Variants in COBLL1 observed in about 807,000 individuals in gnomAD.
The protein encoded by COBLL1 is cordon-bleu WH2 repeat protein like 1.
A neutral mutation model predicts 94.8 loss-of-function variants in COBLL1; 50 were observed. The observed-to-expected ratio is 0.53, with a 90% CI of 0.42 to 0.67. The LOEUF is 0.67. Ranked by LOEUF, COBLL1 falls within the 30% of genes least tolerant of loss-of-function variation. COBLL1 has a pLI of 0.00. For missense variants in COBLL1, 1,362 were observed against 1,348.7 expected, an observed-to-expected ratio of 1.01 and a Z score of -0.15; for synonymous variants, 448 against 473.8, an observed-to-expected ratio of 0.95 and a Z score of 0.71.
At chr2:164,709,424 A>G (rs1684768345) in intron 7 of COBLL1, among the ~76,000 whole-genome samples, 1 of 152,228 alleles carries the variant, frequency 6.6e-6, no homozygotes, top group Admixed American at 6.5e-5. Context: ...AGAGGCTAAG[A>G]AAAAAGACAT....
In COBLL1 at chr2:164,841,646, G is replaced by C. The variant is rs1216540980; in HGVS notation, c.-51+64C>G. The C allele has an allele frequency of 2.6e-5, 9 of 351,432 alleles. No homozygotes were observed. Among genetic ancestry groups the C allele is most frequent in the Non-Finnish European group, 4.5e-5 (9 of 200,634 alleles). The allele number at this position is 351,432 out of a possible 1,614,324, so 21.8% of individuals were successfully genotyped here. ...GAGTTTGCACAAACAAAACGCCCTA[G>C]GAAAACTTTTCCCGAAGAGAAGTTG... On this transcript the variant is annotated intron_variant, in intron 1 of 13. Coordinates refer to ENST00000652658, the MANE Select transcript of COBLL1 (RefSeq NM_001365672.2). The surrounding 1 kb of genome is among the most constrained non-coding windows in gnomAD (Gnocchi z 5.5).
chr2:164,763,001 T>C (rs967866501), intron 2 of COBLL1, among the ~76,000 whole-genome samples: 1 of 152,166 alleles, frequency 6.6e-6, no homozygotes, highest in African/African-American at 2.4e-5. Flanking sequence ...TGCCCGCCTA[T>C]CATCCTTTTT....
At chr2:164,708,129 CACCAGGGAGATTTT>C (rs1266037061) in intron 7 of COBLL1, among the ~76,000 whole-genome samples, 1 of 152,148 alleles carries the variant, frequency 6.6e-6, no homozygotes. Context: ...GACAAGGTGG[CACCAGGGAGATTTT>C]ACCAACAGTT....
At chr2:164,709,325 T>C (rs1684764466) in intron 7 of COBLL1, among the ~76,000 whole-genome samples, 2 of 152,194 alleles carry the variant, frequency 1.3e-5, no homozygotes, top group Admixed American at 1.3e-4. Context: ...TACAACCCTA[T>C]TCTGTGACAT....
Position 164,695,745 on chromosome 2 carries a change from A to G in COBLL1, c.1647T>C (p.Val549=), listed in dbSNP as rs147783923. ...VKKTEINVEG[V]AKNNNIDMEV... is the part of the protein sequence containing the mutation. ...CCATATCAATGTTGTTATTTTTGGC[A>G]ACACCTTCTACATTGATTTCTGTTT... Residue 549 remains valine, a synonymous_variant, in exon 12 of 14, where the codon GTT becomes GTC. Coordinates refer to ENST00000652658, the MANE Select transcript of COBLL1 (RefSeq NM_001365672.2). 8.7e-6 allele frequency: 14 copies of G among 1,613,582 alleles called. No individual in the cohort carries two copies. Among genetic ancestry groups the G allele is most frequent in the Non-Finnish European group, 1.1e-5 (13 of 1,179,804 alleles).
rs1054840280 is a variant in COBLL1 at position 164,682,341 on chromosome 2, A to T, written c.*3605T>A. ...TCAGTTATCAAAATCAGTAGATTTT[A>T]AAAATGATGAGTTTGATTCTTAGTT... On this transcript the variant is annotated 3_prime_UTR_variant, in exon 14 of 14. Coordinates refer to ENST00000652658, the MANE Select transcript of COBLL1 (RefSeq NM_001365672.2). 1 of 152,234 alleles carries T rather than the reference A, an allele frequency of 6.6e-6. No homozygotes were observed. The highest frequency in any genetic ancestry group is 1.5e-5 in the Non-Finnish European group (1 of 68,034). The allele number at this position is 152,234 out of a possible 1,614,324, so 9.4% of individuals were successfully genotyped here. A position where few individuals can be genotyped will look rare whatever the true frequency, so the allele number is the denominator to read the frequency against.
Position 164,833,161 on chromosome 2 carries a change from A to G in COBLL1, c.41+7995T>C, listed in dbSNP as rs140379226. On this transcript the variant is annotated intron_variant, in intron 2 of 13. Transcript: ENST00000652658. ...GGCGAGAGGATCTCTTGAGGCCAGG[A>G]GTTTGAGACCAGCTGGACAACATCT... Among the ~76,000 whole-genome samples, 489 of 152,156 alleles carry G rather than the reference A, an allele frequency of 3.2e-3. 3 individuals carry two copies. The highest frequency in any genetic ancestry group is 0.011 in the African/African-American group (468 of 41,514).
chr2:164,752,741 GAGAC>G (rs1435905994), intron 2 of COBLL1, among the ~76,000 whole-genome samples: 1 of 152,086 alleles, frequency 6.6e-6, no homozygotes, highest in Non-Finnish European at 1.5e-5. Context: ...CCCTACCACT[GAGAC>G]AGCTACTTCC....
Position 164,685,932 on chromosome 2 carries a change from TG to T in COBLL1, c.*13del. ...GAAGTGGAAGTGAAGTGCAGTGGTG[TG>T]GCAGGGTAACATTTAATGGCCGTCC... is the stretch of plus-strand genomic sequence containing the variant. On this transcript the variant is annotated 3_prime_UTR_variant, in exon 14 of 14. Transcript: ENST00000652658. The T allele has an allele frequency of 6.5e-7, 1 of 1,548,648 alleles. No individual in the cohort carries two copies. The highest frequency in any genetic ancestry group is 8.9e-7 in the Non-Finnish European group (1 of 1,122,846).
intron 9 of COBLL1, among the ~76,000 whole-genome samples, chr2:164,703,943 G>C (rs1479318760): frequency 6.6e-6 from 1 of 152,094 alleles, no homozygotes; most frequent in Non-Finnish European, 1.5e-5. Flanking sequence ...AATTTTGTTT[G>C]GAAAGAATCC....
downstream of COBLL1, among the ~76,000 whole-genome samples, chr2:164,679,302 CA>C (rs1231252876): frequency 6.6e-6 from 1 of 152,006 alleles, no homozygotes; most frequent in Non-Finnish European, 1.5e-5. Flanking sequence ...CATCAGGTTT[CA>C]AAATGGCAGA....
intron 9 of COBLL1, among the ~76,000 whole-genome samples, chr2:164,701,235 T>G (rs937518752): frequency 1.7e-4 from 26 of 152,180 alleles, no homozygotes; most frequent in African/African-American, 5.8e-4. Context: ...CTGAGCCCCC[T>G]TTAAAAATAT....
chr2:164,720,203 C>T (rs1203004383), intron 7 of COBLL1, among the ~76,000 whole-genome samples: 5 of 151,914 alleles, frequency 3.3e-5, no homozygotes, highest in Admixed American at 6.6e-5. Context: ...AAAGAACTAT[C>T]CAGATGTCCA....
chr2:164,740,648 C>G (rs1686540844), intron 3 of COBLL1, among the ~76,000 whole-genome samples: 1 of 152,130 alleles, frequency 6.6e-6, no homozygotes. Flanking sequence ...AGAAACTGTG[C>G]TAGGCACTAT....
At chr2:164,669,543 T>C (rs1691214296) in intron 1 of COBLL1, among the ~76,000 whole-genome samples, 1 of 152,194 alleles carries the variant, frequency 6.6e-6, no homozygotes, top group South Asian at 2.1e-4. Context: ...CCAAGAACAC[T>C]GCTTGCTGCC....
intron 2 of COBLL1, among the ~76,000 whole-genome samples, chr2:164,764,366 G>T (rs1244837904): frequency 6.6e-6 from 1 of 152,098 alleles, no homozygotes; most frequent in Non-Finnish European, 1.5e-5. Context: ...AATGTATACT[G>T]CTAGGAGTCC....
At chr2:164,805,323 C>CTATATATATA (rs1559033361) in intron 2 of COBLL1, among the ~76,000 whole-genome samples, 2 of 33,680 alleles carry the variant, frequency 5.9e-5, no homozygotes, top group African/African-American at 2.3e-4. Context: ...CTCTCTCTCT[C>CTATATATATA]TCTCTCTCTC....
At chr2:164,743,468 A>G in intron 3 of COBLL1, 1 of 423,778 alleles carries the variant, frequency 2.4e-6, no homozygotes, top group Non-Finnish European at 4.2e-6. Context: ...AAATTTCAAG[A>G]GTCATTTAAT....
At chr2:164,778,879 C>T (rs965018116) in intron 2 of COBLL1, among the ~76,000 whole-genome samples, 14 of 151,832 alleles carry the variant, frequency 9.2e-5, no homozygotes, top group Non-Finnish European at 2.1e-4. Flanking sequence ...ATTTAGTGAC[C>T]GAGTCACAGG....
Sources: gnomAD v4.1 joint callset for allele counts (sites outside exome capture counted in the v4.1 genomes callset) on GRCh38, gnomAD v4.1.1 for gene constraint, Gnocchi (gnomAD v3.1) non-coding constraint, MANE v1.5 for transcripts, NCBI Gene and HGNC (gene_info 2026-07-23, HGNC 2026-07-21) for gene names.